Variants in FAM83A observed in about 807,000 individuals in gnomAD.
The protein encoded by FAM83A is protein FAM83A.
In FAM83A, 21 loss-of-function variants were observed where a neutral mutation model predicts 24.4. That is an observed-to-expected ratio of 0.86 (90% confidence interval 0.61 to 1.24). The LOEUF (loss-of-function observed/expected upper bound fraction) is 1.24, where lower values mean the gene tolerates loss of function less well. Among genes scored for constraint, FAM83A ranks in the 50% most tolerant of loss-of-function variants. FAM83A has a pLI of 0.00. For synonymous variants in FAM83A, 270 were observed against 252.4 expected, an observed-to-expected ratio of 1.07 and a Z score of -0.66; for missense variants, 617 against 579.8, an observed-to-expected ratio of 1.06 and a Z score of -0.66.
exon 4 of FAM83A, chr8:123,207,869 G>T: frequency 7.2e-7 from 1 of 1,380,230 alleles, no homozygotes; most frequent in East Asian, 2.8e-5. Context: ...ACCAGTTCTT[G>T]GGTTCCCCGC....
At chr8:123,203,221 T>TA (rs34707090) in intron 3 of FAM83A, among the ~76,000 whole-genome samples, 36,566 of 144,066 alleles carry the variant, frequency 0.25, 4,671 homozygotes, top group African/African-American at 0.34. Flanking sequence ...ATACACACAT[T>TA]AAAAAAAAAA....
intron 3 of FAM83A, among the ~76,000 whole-genome samples, chr8:123,194,985 G>T (rs1178403294): frequency 6.6e-6 from 1 of 152,028 alleles, no homozygotes; most frequent in Non-Finnish European, 1.5e-5. Context: ...TTTGAAACTT[G>T]ACTTCAGAGC....
intron 3 of FAM83A, among the ~76,000 whole-genome samples, chr8:123,204,294 T>C (rs1824466606): frequency 2.6e-5 from 4 of 152,166 alleles, no homozygotes; most frequent in Non-Finnish European, 5.9e-5. Context: ...AAAAAAGATG[T>C]GACCTTTTCT....
At chr8:123,208,724 G>C in exon 4 of FAM83A, 1 of 985,584 alleles carries the variant, frequency 1.0e-6, no homozygotes, top group Non-Finnish European at 1.2e-6. Flanking sequence ...GGCCAGGCGT[G>C]GTGGCTCATG....
At chr8:123,200,200 T>C (rs1325006348) in intron 3 of FAM83A, among the ~76,000 whole-genome samples, 3 of 152,180 alleles carry the variant, frequency 2.0e-5, no homozygotes, top group African/African-American at 7.2e-5. Flanking sequence ...CTCTTTCATA[T>C]AGCAAAGTGG....
chr8:123,207,505 C>T (rs1178021499), exon 4 of FAM83A: 1 of 1,578,476 alleles, frequency 6.3e-7, no homozygotes, highest in South Asian at 1.1e-5. Context: ...CCCACCAAGG[C>T]CCTTGGGGAG....
exon 3 of FAM83A, chr8:123,194,062 T>C: frequency 6.2e-7 from 1 of 1,614,226 alleles, no homozygotes; most frequent in Non-Finnish European, 8.5e-7. Context: ...AGATATACTG[T>C]GCCAAGTCAG....
At chr8:123,202,507 T>A (rs1017751198) in intron 3 of FAM83A, 1 of 152,880 alleles carries the variant, frequency 6.5e-6, no homozygotes, top group African/African-American at 2.4e-5. Flanking sequence ...TAGCCGAGAT[T>A]GTAAATGACA....
At chr8:123,181,963 C>T, upstream of FAM83A, 1 of 450,176 alleles carries the variant, frequency 2.2e-6, no homozygotes, top group Non-Finnish European at 4.5e-6. Flanking sequence ...CTGGAAAGAA[C>T]ACGTGGTCAC....
intron 1 of FAM83A, among the ~76,000 whole-genome samples, chr8:123,191,555 C>T (rs576271314): frequency 1.3e-5 from 2 of 152,308 alleles, no homozygotes; most frequent in African/African-American, 4.8e-5. Flanking sequence ...CCACAATGGG[C>T]ATAGGGGCCA....
chr8:123,182,737 G>A (rs973192647), exon 1 of FAM83A: 28 of 1,444,824 alleles, frequency 1.9e-5, no homozygotes, highest in Non-Finnish European at 2.6e-5. Context: ...CCGGTCCTGG[G>A]AGCAGGCGGC....
At chr8:123,185,877 G>GC (rs1234828785) in intron 1 of FAM83A, among the ~76,000 whole-genome samples, 2 of 152,118 alleles carry the variant, frequency 1.3e-5, no homozygotes, top group South Asian at 2.1e-4. Flanking sequence ...TGCAACCTCT[G>GC]CCCCCCAGAT....
intron 3 of FAM83A, among the ~76,000 whole-genome samples, chr8:123,203,043 C>T (rs1824411628): frequency 6.6e-6 from 1 of 151,972 alleles, no homozygotes; most frequent in Non-Finnish European, 1.5e-5. Context: ...CAGGGCATGA[C>T]AGAGCAGTGG....
chr8:123,179,237 G>C (rs1823537790), upstream of FAM83A: 1 of 152,164 alleles, frequency 6.6e-6, no homozygotes, highest in Admixed American at 6.5e-5. Context: ...GGGAGGTGGG[G>C]CCTAATGAGA....
At chr8:123,195,816 G>A (rs1824130437) in intron 3 of FAM83A, among the ~76,000 whole-genome samples, 3 of 152,078 alleles carry the variant, frequency 2.0e-5, no homozygotes, top group Non-Finnish European at 4.4e-5. Flanking sequence ...ATTCCTGAAG[G>A]TTCTACCTTC....
intron 1 of FAM83A, among the ~76,000 whole-genome samples, chr8:123,183,793 T>A (rs1239442695): frequency 6.6e-6 from 1 of 151,846 alleles, no homozygotes; most frequent in African/African-American, 2.4e-5. Context: ...ACTCCCGGGT[T>A]CAAGCGATTC....
intron 3 of FAM83A, among the ~76,000 whole-genome samples, chr8:123,204,238 T>C (rs1396372509): frequency 6.6e-6 from 1 of 151,912 alleles, no homozygotes; most frequent in Non-Finnish European, 1.5e-5. Flanking sequence ...CATAGCAAGA[T>C]CCCATCTCTG....
At chr8:123,205,446 G>A (rs1426534819) in intron 3 of FAM83A, among the ~76,000 whole-genome samples, 2 of 152,252 alleles carry the variant, frequency 1.3e-5, no homozygotes, top group Non-Finnish European at 2.9e-5. Context: ...CTCTGGGGGT[G>A]TGGGTGGTTC....
intron 3 of FAM83A, among the ~76,000 whole-genome samples, chr8:123,206,012 G>A (rs959059939): frequency 6.6e-6 from 1 of 151,774 alleles, no homozygotes; most frequent in Admixed American, 6.6e-5. Flanking sequence ...GCGTGGTGGC[G>A]GGCGCCTGTA....
Sources: gnomAD v4.1 joint callset for allele counts (sites outside exome capture counted in the v4.1 genomes callset) on GRCh38, gnomAD v4.1.1 for gene constraint, MANE v1.5 for transcripts, NCBI Gene and HGNC (gene_info 2026-07-23, HGNC 2026-07-21) for gene names.